PCSK4: variants seen among roughly 807,000 people sequenced by gnomAD.
The protein encoded by PCSK4 is testicular tissue protein Li 135.
Under a neutral mutation model 80.3 loss-of-function variants are expected in PCSK4, and 64 were observed. The ratio of observed to expected loss-of-function variants is 0.80; its 90% CI spans 0.65 to 0.98. The LOEUF is 0.98. Among genes scored for constraint, PCSK4 ranks in the 50% least tolerant of loss-of-function variants. The pLI is 0.00. For synonymous variants in PCSK4, 561 were observed against 487.6 expected, an observed-to-expected ratio of 1.15 and a Z score of -1.98; for missense variants, 1,213 against 1,093.6, an observed-to-expected ratio of 1.11 and a Z score of -1.54.
chr19:1,482,109 G>A, exon 15 of PCSK4: 2 of 1,552,452 alleles, frequency 1.3e-6, no homozygotes, highest in Non-Finnish European at 8.7e-7. Context: ...GCCGCCGTGT[G>A]CCCAGGCCCA....
intron 12 of PCSK4, 77 bp downstream of exon 12, chr19:1,483,207 G>A (rs1385546066): frequency 2.1e-6 from 3 of 1,399,546 alleles, no homozygotes; most frequent in South Asian, 1.4e-5. Flanking sequence ...GCCCCTCCCC[G>A]TGAGGACACT....
rs2084712705 is a variant in PCSK4, at chr19:1,487,775, C to A, written c.593+10G>T. 1 of 1,567,514 alleles carries A rather than the reference C, an allele frequency of 6.4e-7. No individual in the cohort carries two copies. Among genetic ancestry groups the A allele is most frequent in the South Asian group, 1.2e-5 (1 of 86,204 alleles). ...GGGCTTCCCCCGTGTGCTGTGGGAG[C>A]CCTGCTCACCGGTTCTCTTTGCTGG... On this transcript the variant is annotated intron_variant, in intron 5 of 14. Coordinates refer to ENST00000300954, the Ensembl canonical transcript of PCSK4.
Position 1,487,392 on chromosome 19 carries a change from A to G in PCSK4, c.683-79T>C, listed in dbSNP as rs1338346925. The G allele has an allele frequency of 1.2e-5, 14 of 1,202,748 alleles. No homozygotes were observed. In the East Asian group the frequency reaches 3.5e-4, roughly 30 times the overall value. 74.5% of individuals were successfully genotyped at this position (1,202,748 alleles called of 1,614,324 possible). A position where few individuals can be genotyped will look rare whatever the true frequency, so the allele number is the denominator to read the frequency against. The stretch of plus-strand genomic sequence containing the variant: ...CCCAGCCCGCCCCGCGCCACTCCAC[A>G]CCACTCCCCAGCCCTACCTGGGCCC... On this transcript the variant is annotated intron_variant, in intron 6 of 14. Coordinates refer to ENST00000300954, the Ensembl canonical transcript of PCSK4.
chr19:1,486,498 C>T (rs530331203), intron 8 of PCSK4, among the ~76,000 whole-genome samples: 1 of 151,176 alleles, frequency 6.6e-6, no homozygotes, highest in Non-Finnish European at 1.5e-5. Context: ...GGGTTTCACT[C>T]TGTTAGCCAG....
Position 1,482,481 on chromosome 19 carries a change from CAG to C in PCSK4, c.1697-8_1697-7del. ...CGTGTAGCGGTACAACGTCCCTGGA[CAG>C]GGGTCGCGGGTGGGCACAGGAGGAA... is the stretch of plus-strand genomic sequence containing the variant. On this transcript the variant is annotated splice_region_variant and splice_polypyrimidine_tract_variant and intron_variant, in intron 13 of 14. Transcript: ENST00000300954. 2 of 1,599,264 alleles carry C rather than the reference CAG, an allele frequency of 1.3e-6. No homozygotes were observed. The highest frequency in any genetic ancestry group is 1.7e-6 in the Non-Finnish European group (2 of 1,176,542).
intron 6 of PCSK4, 75 bp from the exon 7 acceptor site, chr19:1,487,388 C>G: frequency 8.1e-7 from 1 of 1,231,252 alleles, no homozygotes; most frequent in Non-Finnish European, 1.1e-6. Flanking sequence ...CCGCGCCACT[C>G]CACACCACTC....
chr19:1,486,787 CAGG>C, intron 8 of PCSK4, 63 bp downstream of exon 8: 1 of 1,341,530 alleles, frequency 7.5e-7, no homozygotes, highest in Non-Finnish European at 1.0e-6. Context: ...GTGGTGGGGA[CAGG>C]AGGAGGCCAG....
chr19:1,489,871 G>A, exon 2 of PCSK4: 1 of 1,610,206 alleles, frequency 6.2e-7, no homozygotes, highest in Non-Finnish European at 8.5e-7. Context: ...GGTGCCGCAG[G>A]TGAAAGTACT....
chr19:1,488,151 C>T (rs2084741091), intron 3 of PCSK4, 37 bp downstream of exon 3: 4 of 1,613,120 alleles, frequency 2.5e-6, no homozygotes, highest in East Asian at 2.2e-5. Context: ...GCGCCAGCGG[C>T]CCCGTCCCCG....
chr19:1,490,189 G>A (rs1163487103), exon 1 of PCSK4: 1 of 1,613,664 alleles, frequency 6.2e-7, no homozygotes, highest in East Asian at 2.2e-5. Flanking sequence ...GAATTTGCGT[G>A]CCAGGCGCTC....
In PCSK4 at chr19:1,488,145, C is replaced by T. The variant is rs768636339; in HGVS notation, c.387+43G>A. On this transcript the variant is annotated intron_variant, in intron 3 of 14. Coordinates refer to ENST00000300954, the Ensembl canonical transcript of PCSK4. ...TGTGAGGGCCTGGAGTTGAGGGCGC[C>T]AGCGGCCCCGTCCCCGTCTACCCAC... is the stretch of plus-strand genomic sequence containing the variant. 16 of 1,613,128 alleles carry T rather than the reference C, an allele frequency of 9.9e-6. No individual in the cohort carries two copies. The Admixed American group carries it at 1.7e-4, about 17-fold the overall frequency.
chr19:1,483,319 G>A (rs1415084705), exon 12 of PCSK4: 5 of 1,608,664 alleles, frequency 3.1e-6, no homozygotes, highest in Non-Finnish European at 4.2e-6. Context: ...TGCCCATGGG[G>A]CTGGTGAGCG....
At chr19:1,483,724 C>T (rs764127327) in exon 11 of PCSK4, 10 of 1,595,342 alleles carry the variant, frequency 6.3e-6, no homozygotes, top group Non-Finnish European at 7.6e-6. Flanking sequence ...CGGTGTCCAC[C>T]AGCAGCCCGG....
intron 10 of PCSK4, 27 bp from the exon 11 acceptor site, chr19:1,483,794 C>T: frequency 2.0e-6 from 3 of 1,526,094 alleles, no homozygotes; most frequent in Non-Finnish European, 2.6e-6. Flanking sequence ...CAGTCACTCG[C>T]CCCGTGGGCC....
chr19:1,490,036 C>T, intron 1 of PCSK4, 122 bp downstream of exon 1: 2 of 1,519,918 alleles, frequency 1.3e-6, no homozygotes, highest in Non-Finnish European at 1.8e-6. Context: ...TTGGCTGAGG[C>T]AGGGGTGGGC....
Position 1,490,338 on chromosome 19 carries a change from G to GC in PCSK4, c.8_9insG (p.Ala4ArgfsTer43), listed in dbSNP as rs1568228526. On this transcript the variant is annotated frameshift_variant, in exon 1 of 15. Transcript: ENST00000300954. LOFTEE classifies it high-confidence loss of function. Reference sequence around the variant, plus strand: ...GGCGCAGCCACAGCGCAATCGGGGCGGGCCGCATGGAGGCGGGGCGGGAGC... The same window carrying GC: ...GGCGCAGCCACAGCGCAATCGGGGCGCGGCCGCATGGAGGCGGGGCGGGAGC... 3.1e-6 allele frequency: 4 copies of GC among 1,273,758 alleles called. No homozygotes were observed. The highest frequency in any genetic ancestry group is 4.3e-6 in the Non-Finnish European group (4 of 934,504). 78.9% of individuals were successfully genotyped at this position (1,273,758 alleles called of 1,614,324 possible). A position where few individuals can be genotyped will look rare whatever the true frequency, so the allele number is the denominator to read the frequency against.
rs2084419843 is a variant in PCSK4, at chr19:1,483,468, G to A, written c.1392-5C>T. On this transcript the variant is annotated splice_region_variant and splice_polypyrimidine_tract_variant and intron_variant, in intron 11 of 14. Coordinates refer to ENST00000300954, the Ensembl canonical transcript of PCSK4. The stretch of plus-strand genomic sequence containing the variant: ...TAGATCAGCGGCAGGATGGGGCTGA[G>A]GGGGTCGAGGGGTGAGGACCCTCCT... The A allele has an allele frequency of 6.3e-7, 1 of 1,577,364 alleles. No homozygotes were observed. The highest frequency in any genetic ancestry group is 8.6e-7 in the Non-Finnish European group (1 of 1,163,950).
exon 11 of PCSK4, chr19:1,483,733 G>A (rs1211260390): frequency 1.1e-5 from 18 of 1,594,602 alleles, no homozygotes; most frequent in Non-Finnish European, 1.5e-5. Context: ...CCAGCAGCCC[G>A]GCGTCCAGCA....
chr19:1,482,075 C>T, exon 15 of PCSK4: 1 of 1,553,756 alleles, frequency 6.4e-7, no homozygotes, highest in Non-Finnish European at 8.7e-7. Context: ...GGCATGGCAG[C>T]TGGAGCAGAC....
Sources: allele counts gnomAD v4.1 joint callset (sites outside exome capture counted in the v4.1 genomes callset), GRCh38; gene constraint gnomAD v4.1.1; transcripts MANE v1.5; gene names NCBI Gene and HGNC (gene_info 2026-07-23, HGNC 2026-07-21).